Variants in FKBP11 observed in about 807,000 individuals in gnomAD.
FKBP11 encodes FKBP prolyl isomerase 11.
Under a neutral mutation model 24.7 loss-of-function variants are expected in FKBP11, and 21 were observed. The ratio of observed to expected loss-of-function variants is 0.85; its 90% CI spans 0.60 to 1.23. FKBP11 has a LOEUF of 1.23. FKBP11 is among the 50% of genes most tolerant of loss of function. FKBP11 has a pLI of 0.00. For missense variants in FKBP11, 245 were observed against 248.7 expected (o/e 0.99, Z 0.10); for synonymous variants, 106 against 100.6 (o/e 1.05, Z -0.32).
chr12:48,934,552 C>G, the FKBP11 span, among the ~76,000 whole-genome samples: 1 of 152,186 alleles, frequency 6.6e-6, no homozygotes, highest in Non-Finnish European at 1.5e-5. Context: ...TACTTCCTTC[C>G]TGGCATTCTA....
chr12:48,924,773 C>G, intron 2 of FKBP11, 125 bp from the exon 3 acceptor site: 1 of 1,502,824 alleles, frequency 6.7e-7, no homozygotes, highest in South Asian at 1.3e-5. Flanking sequence ...GTTCCCCTTA[C>G]CGCTGTAAGG....
chr12:48,925,985 G>A (rs1006835293), upstream of FKBP11: 1 of 153,688 alleles, frequency 6.5e-6, no homozygotes, highest in East Asian at 1.9e-4. Context: ...ATTCCTCTCC[G>A]ACCTCCAGCT....
upstream of FKBP11, among the ~76,000 whole-genome samples, chr12:48,926,877 T>C (rs1047791413): frequency 6.6e-6 from 1 of 152,180 alleles, no homozygotes. Flanking sequence ...TGGCACGATC[T>C]TGGCTCACTG....
chr12:48,923,679 C>G, intron 5 of FKBP11, 103 bp downstream of exon 5: 1 of 1,588,512 alleles, frequency 6.3e-7, no homozygotes, highest in South Asian at 1.1e-5. Flanking sequence ...TCTAAACAAA[C>G]TTGGTCTGGA....
At chr12:48,932,185 A>C in the FKBP11 span, among the ~76,000 whole-genome samples, 15 of 130,050 alleles carry the variant, frequency 1.2e-4, no homozygotes, top group Admixed American at 1.6e-4. Context: ...ATATATATAT[A>C]ATATAAACAT....
upstream of FKBP11, among the ~76,000 whole-genome samples, chr12:48,929,910 G>A (rs1401687857): frequency 1.3e-5 from 2 of 152,270 alleles, no homozygotes; most frequent in Non-Finnish European, 1.5e-5. Flanking sequence ...TTTCCTCTGT[G>A]AAGTCCTGAT....
chr12:48,922,250 AG>A, intron 5 of FKBP11, 49 bp from the exon 6 acceptor site: 1 of 1,531,664 alleles, frequency 6.5e-7, no homozygotes, highest in Non-Finnish European at 9.0e-7. Flanking sequence ...CATTTTATCC[AG>A]GGCTCAGAAT....
intron 5 of FKBP11, chr12:48,922,591 T>C: frequency 1.0e-6 from 1 of 999,518 alleles, no homozygotes; most frequent in Non-Finnish European, 1.2e-6. Context: ...GGATTTAAAC[T>C]AGACTTTAAA....
the FKBP11 span, among the ~76,000 whole-genome samples, chr12:48,932,261 ATTTTTTTTTTTTTTTTTT>A: frequency 0.02 from 603 of 30,454 alleles, 4 homozygotes; most frequent in Non-Finnish European, 0.026. Flanking sequence ...ATATATATAT[ATTTTTTTTTTTTTTTTTT>A]TTTTTTTTTT....
rs1053447463 is a variant in FKBP11, at chr12:48,924,766, C to T, written c.196-118G>A. 5.3e-6 allele frequency: 8 copies of T among 1,506,542 alleles called. No individual in the cohort carries two copies. The African/African-American group carries it at 9.8e-5, about 18-fold the overall frequency. The allele number at this position is 1,506,542 out of a possible 1,614,324, so 93.3% of individuals were successfully genotyped here. ...CCCCTTAGTGCGGCAGCCTAGCGTT[C>T]CCCTTACCGCTGTAAGGAACAGGAA... is the stretch of plus-strand genomic sequence containing the variant. On this transcript the variant is annotated intron_variant, in intron 2 of 5. Transcript: ENST00000550765.
chr12:48,931,452 G>A, upstream of FKBP11: 3 of 1,536,044 alleles, frequency 2.0e-6, no homozygotes, highest in Non-Finnish European at 2.6e-6. Flanking sequence ...GACCAGAGAA[G>A]GAGCTTTTTC....
intron 1 of FKBP11, 70 bp from the exon 2 acceptor site, chr12:48,925,181 A>AC: frequency 6.3e-7 from 1 of 1,591,580 alleles, no homozygotes; most frequent in South Asian, 1.1e-5. Flanking sequence ...ACCCGGCACC[A>AC]CCCCCAACTC....
intron 2 of FKBP11, 153 bp from the exon 3 acceptor site, chr12:48,924,801 G>A: frequency 5.5e-6 from 8 of 1,458,330 alleles, no homozygotes; most frequent in Middle Eastern, 2.5e-4. Flanking sequence ...AGCCCCAGAA[G>A]GCTGGCGCTT....
chr12:48,923,340 G>A, intron 5 of FKBP11: 1 of 1,427,426 alleles, frequency 7.0e-7, no homozygotes, highest in Non-Finnish European at 9.1e-7. Flanking sequence ...GGCTTTAACA[G>A]TTGCTTTTTG....
intron 4 of FKBP11, 35 bp downstream of exon 4, chr12:48,924,188 G>A: frequency 6.2e-7 from 1 of 1,613,422 alleles, no homozygotes; most frequent in South Asian, 1.1e-5. Context: ...CCATGCAAAG[G>A]GGGTACCCAG....
At chr12:48,927,837 C>A (rs1283687267), upstream of FKBP11, among the ~76,000 whole-genome samples, 1 of 152,048 alleles carries the variant, frequency 6.6e-6, no homozygotes, top group African/African-American at 2.4e-5. Context: ...AGCATAAGTC[C>A]TTGTTAATTG....
At chr12:48,924,812 C>G (rs888786017) in intron 2 of FKBP11, 164 bp from the exon 3 acceptor site, 1 of 1,452,214 alleles carries the variant, frequency 6.9e-7, no homozygotes, top group African/African-American at 1.4e-5. Flanking sequence ...GCTGGCGCTT[C>G]TCGGAGATCT....
At chr12:48,938,634 G>A in the FKBP11 span, 2 of 443,258 alleles carry the variant, frequency 4.5e-6, no homozygotes, top group South Asian at 1.7e-5. Flanking sequence ...CAAACAAAGA[G>A]AATACCCCAC....
chr12:48,927,654 G>C (rs966134758), upstream of FKBP11, among the ~76,000 whole-genome samples: 2 of 152,156 alleles, frequency 1.3e-5, no homozygotes, highest in African/African-American at 2.4e-5. Flanking sequence ...GCCCTTTAAA[G>C]AGTTAACTAG....
Sources: allele counts gnomAD v4.1 joint callset (sites outside exome capture counted in the v4.1 genomes callset), GRCh38; gene constraint gnomAD v4.1.1; transcripts MANE v1.5; gene names NCBI Gene and HGNC (gene_info 2026-07-23, HGNC 2026-07-21).